The following ELP2 variants were observed in gnomAD, a reference collection of about 807,000 sequenced individuals.
ELP2 encodes elongator acetyltransferase complex subunit 2, also known as elongator complex protein 2.
Under a neutral mutation model 119.2 loss-of-function variants are expected in ELP2, and 90 were observed. The observed-to-expected ratio is 0.75, with a 90% confidence interval of 0.64 to 0.90. ELP2 has a LOEUF of 0.90. ELP2 is among the 40% of genes least tolerant of loss of function. The pLI is 0.00. For synonymous variants in ELP2, 339 were observed against 331.0 expected (o/e 1.02, Z -0.26); for missense variants, 921 against 967.8 (o/e 0.95, Z 0.64).
At chr18:36,138,505 A>C in intron 4 of ELP2, 79 bp downstream of exon 4, 1 of 1,448,702 alleles carries the variant, frequency 6.9e-7, no homozygotes, top group Non-Finnish European at 9.5e-7. Flanking sequence ...GCATATATAT[A>C]ATTCTTTACA....
At chr18:36,161,063 T>C (rs887844494) in intron 17 of ELP2, 59 bp downstream of exon 17, 2 of 1,269,992 alleles carry the variant, frequency 1.6e-6, no homozygotes, top group Admixed American at 3.4e-5. Flanking sequence ...ATCAGGCTCC[T>C]GCAAGTTTGG....
At chr18:36,143,773 A>G (rs2090116210) in intron 8 of ELP2, among the ~76,000 whole-genome samples, 1 of 152,194 alleles carries the variant, frequency 6.6e-6, no homozygotes, top group Non-Finnish European at 1.5e-5. Flanking sequence ...TCTAAACCAT[A>G]TTAGTAAGAT....
chr18:36,169,961 C>T lies in ELP2; in HGVS notation c.2077-102C>T, dbSNP rs973108163. 2.0e-6 allele frequency: 3 copies of T among 1,474,234 alleles called. No homozygotes were observed. The African/African-American group carries it at 4.1e-5, about 20-fold the overall frequency. 91.3% of individuals were successfully genotyped at this position (1,474,234 alleles called of 1,614,324 possible). A position where few individuals can be genotyped will look rare whatever the true frequency, so the allele number is the denominator to read the frequency against. On this transcript the variant is annotated intron_variant, in intron 19 of 21. Coordinates refer to ENST00000358232, the MANE Select transcript of ELP2 (RefSeq NM_018255.4). ...ATGTAATGATGCATTTTTTAAAATACCAGAGCAAATACTTTGTTTTATCTT... is the reference window on the plus strand; with the variant it reads ...ATGTAATGATGCATTTTTTAAAATATCAGAGCAAATACTTTGTTTTATCTT...
chr18:36,142,550 A>T (rs571318323), intron 7 of ELP2, among the ~76,000 whole-genome samples: 5 of 152,366 alleles, frequency 3.3e-5, no homozygotes, highest in South Asian at 4.1e-4. Context: ...ATCAGATGAC[A>T]TTAGCTGTCT....
In ELP2 at chr18:36,174,630, T is replaced by A; in HGVS notation, c.2470T>A (p.Cys824Ser). 2 of 1,614,112 alleles carry A rather than the reference T, an allele frequency of 1.2e-6. No individual in the cohort carries two copies. Among genetic ancestry groups the A allele is most frequent in the Non-Finnish European group, 1.7e-6 (2 of 1,179,998 alleles). ...TGTGAAGATACACAGAGTCAATAAA[T>A]GTGCACTGTAATGGACTTAATAACT... The part of the protein sequence containing the change: ...HTVKIHRVNK[C>S]AL Residue 824 changes from cysteine (C) to serine (S), a missense_variant, in exon 22 of 22, where the codon TGT (cysteine) becomes AGT (serine). Transcript: ENST00000358232.
rs1342056544 is a variant in ELP2 at position 36,130,069 on chromosome 18, CT to C, written c.137del (p.Leu46ArgfsTer9). 1 of 1,614,054 alleles carries C rather than the reference CT, an allele frequency of 6.2e-7. No individual in the cohort carries two copies. Among genetic ancestry groups the C allele is most frequent in the African/African-American group, 1.3e-5 (1 of 74,930 alleles). On this transcript the variant is annotated frameshift_variant and splice_region_variant, in exon 1 of 22. Coordinates refer to ENST00000358232, the MANE Select transcript of ELP2 (RefSeq NM_018255.4). LOFTEE classifies it high-confidence loss of function. ...CTGCTCCGTGGTGCTCTATGACCCC[CT>C]GGTAAGAGAGGTCGCTGGACGGCCG... The part of the protein sequence containing the change: ...TSCSVVLYDP[L>X]KRVVVTNLNG...
chr18:36,160,996 G>A lies in ELP2; in HGVS notation c.1753G>A (p.Ala585Thr), dbSNP rs1466079224. The A allele has an allele frequency of 3.1e-6, 5 of 1,612,968 alleles. No homozygotes were observed. The African/African-American group carries it at 6.7e-5, about 22-fold the overall frequency. The change falls in exon 17 of 22, where the codon GCT becomes ACT. Residue 585 changes from alanine to threonine, a missense_variant. Physicochemically the swap from Ala to Thr is moderately conservative, Grantham distance 58. Transcript: ENST00000358232. ...CAGTTCAAAGACTCTGCTTGCCTCA[G>A]CTTGTAAGGTAGGGAAGTTTACTTT... ...CNSSKTLLASACKAAKKEHAA... is the reference protein window; with the variant it reads ...CNSSKTLLASTCKAAKKEHAA...
chr18:36,139,373 A>G (rs2089941854), intron 5 of ELP2: 24 of 1,495,518 alleles, frequency 1.6e-5, no homozygotes, highest in Non-Finnish European at 2.1e-5. Flanking sequence ...TATCTTCTAC[A>G]AAGATAATAG....
At chr18:36,149,325 C>T (rs2090312161) in intron 11 of ELP2, among the ~76,000 whole-genome samples, 1 of 152,130 alleles carries the variant, frequency 6.6e-6, no homozygotes, top group Admixed American at 6.5e-5. Context: ...AGGTGCAGAA[C>T]TAGTGAGCTA....
chr18:36,170,199 C>A lies in ELP2; in HGVS notation c.2210+3C>A. 6.2e-7 allele frequency: 1 copy of A among 1,614,136 alleles called. No homozygotes were observed. Among genetic ancestry groups the A allele is most frequent in the South Asian group, 1.1e-5 (1 of 91,060 alleles). On this transcript the variant is annotated splice_donor_region_variant and intron_variant, in intron 20 of 21. Coordinates refer to ENST00000358232, the MANE Select transcript of ELP2 (RefSeq NM_018255.4). ...CCAGTGCTCCACCCTTCTCAACGGT[C>A]AGTCTCTGTGTGGGGCTTAGTTTTA...
intron 20 of ELP2, 192 bp from the exon 21 acceptor site, chr18:36,170,855 T>G: frequency 1.6e-6 from 1 of 613,010 alleles, no homozygotes; most frequent in East Asian, 2.8e-5. Flanking sequence ...GATAAATCTG[T>G]GTGCAGCCCC....
chr18:36,164,428 A>T (rs1278473877), intron 17 of ELP2, 47 bp from the exon 18 acceptor site: 1 of 1,513,422 alleles, frequency 6.6e-7, no homozygotes, highest in Non-Finnish European at 9.2e-7. Flanking sequence ...TTTTCTCTTC[A>T]GTTTATTTTT....
intron 1 of ELP2, among the ~76,000 whole-genome samples, chr18:36,130,573 G>A (rs2089575052): frequency 6.6e-6 from 1 of 152,162 alleles, no homozygotes; most frequent in African/African-American, 2.4e-5. Flanking sequence ...TCAGTTTGGG[G>A]GAAAGGTCAT....
chr18:36,158,903 G>C lies in ELP2; in HGVS notation c.1533G>C (p.Gln511His), dbSNP rs765731587. 1.9e-6 allele frequency: 3 copies of C among 1,608,268 alleles called. No individual in the cohort carries two copies. The South Asian group carries it at 3.3e-5, about 18-fold the overall frequency. ...ALGLSNKAVF[Q>H]GDIASQPSDE... Reference sequence around the variant, plus strand: ...GATTATCAAATAAAGCTGTCTTTCAGGGTAAGGCTTTTGTCTTCAAAATTA... The same window carrying C: ...GATTATCAAATAAAGCTGTCTTTCACGGTAAGGCTTTTGTCTTCAAAATTA... The change falls in exon 14 of 22, where the codon CAG becomes CAC. Residue 511 changes from glutamine to histidine, a missense_variant and splice_region_variant. By Grantham distance (24) the Gln-to-His change is conservative. Coordinates refer to ENST00000358232, the MANE Select transcript of ELP2 (RefSeq NM_018255.4).
chr18:36,155,973 G>A lies in ELP2; in HGVS notation c.1276-493G>A, dbSNP rs145974849. On this transcript the variant is annotated intron_variant, in intron 12 of 21. Coordinates refer to ENST00000358232, the MANE Select transcript of ELP2 (RefSeq NM_018255.4). ...TGTAGGGTAGGGCTATAGGTAGGGG[G>A]CAGTGGAACTAATGTTTCTGTAATT... is the stretch of plus-strand genomic sequence containing the variant. Among the ~76,000 whole-genome samples, 477 of 152,298 alleles carry A rather than the reference G, an allele frequency of 3.1e-3. 1 individual carries two copies. Among genetic ancestry groups the A allele is most frequent in the African/African-American group, 0.011 (445 of 41,570 alleles).
At chr18:36,170,348 G>A (rs1267702254) in intron 20 of ELP2, 152 bp downstream of exon 20, 9 of 946,244 alleles carry the variant, frequency 9.5e-6, no homozygotes, top group Non-Finnish European at 1.4e-5. Flanking sequence ...GTCTCACTCT[G>A]TCGCCCAGGC....
intron 9 of ELP2, 159 bp downstream of exon 9, chr18:36,145,193 G>A (rs1598762009): frequency 1.5e-6 from 1 of 659,812 alleles, no homozygotes; most frequent in Non-Finnish European, 2.8e-6. Context: ...CTGGTCTGCT[G>A]GACACTCAGT....
chr18:36,163,480 A>G (rs767497189), intron 17 of ELP2, among the ~76,000 whole-genome samples: 1 of 150,790 alleles, frequency 6.6e-6, no homozygotes, highest in Non-Finnish European at 1.5e-5. Context: ...CCAGTTTATC[A>G]ATTTTTTTTT....
chr18:36,142,246 T>A (rs1221751555), intron 6 of ELP2, 35 bp from the exon 7 acceptor site: 2 of 1,571,942 alleles, frequency 1.3e-6, no homozygotes, highest in Non-Finnish European at 1.8e-6. Context: ...GATGTTAAAT[T>A]CTTACATCAA....
Sources: gnomAD v4.1 joint callset for allele counts (sites outside exome capture counted in the v4.1 genomes callset) on GRCh38, gnomAD v4.1.1 for gene constraint, MANE v1.5 for transcripts, NCBI Gene and HGNC (gene_info 2026-07-23, HGNC 2026-07-21) for gene names.